The following RSRC1 variants were observed in gnomAD, a reference collection of about 807,000 sequenced individuals.
RSRC1 encodes serine/Arginine-related protein 53.
RSRC1 carries 39 observed loss-of-function variants against 49.1 expected under a neutral mutation model. The ratio of observed to expected loss-of-function variants is 0.79; its 90% CI spans 0.61 to 1.04. RSRC1 has a LOEUF of 1.04. Ranked by LOEUF, RSRC1 falls within the 50% of genes least tolerant of loss-of-function variation. The pLI is 0.00. For missense variants in RSRC1, 388 were observed against 402.4 expected, an observed-to-expected ratio of 0.96 and a Z score of 0.31; for synonymous variants, 143 against 130.8, an observed-to-expected ratio of 1.09 and a Z score of -0.63.
intron 5 of RSRC1, among the ~76,000 whole-genome samples, chr3:158,309,564 A>G (rs906865150): frequency 1.3e-5 from 2 of 151,966 alleles, no homozygotes; most frequent in African/African-American, 4.8e-5. Context: ...GAAATATTTA[A>G]TGTATTCTAT....
intron 7 of RSRC1, among the ~76,000 whole-genome samples, chr3:158,513,349 C>T (rs1740296283): frequency 1.3e-5 from 2 of 152,090 alleles, no homozygotes; most frequent in Admixed American, 1.3e-4. Context: ...TTGTCAAAGG[C>T]CTTTTCTGCA....
At chr3:158,444,566 C>A (rs1736578649) in intron 6 of RSRC1, among the ~76,000 whole-genome samples, 1 of 152,058 alleles carries the variant, frequency 6.6e-6, no homozygotes, top group Non-Finnish European at 1.5e-5. Flanking sequence ...TAGAAGAAAA[C>A]CTAGGCAATA....
chr3:158,243,348 CAGA>C (rs1339203189), intron 4 of RSRC1, among the ~76,000 whole-genome samples: 2 of 152,104 alleles, frequency 1.3e-5, no homozygotes, highest in African/African-American at 4.8e-5. Flanking sequence ...TGTCAGAGAT[CAGA>C]TGGTGGTAGG....
chr3:158,424,174 C>T (rs1735262415), intron 6 of RSRC1, among the ~76,000 whole-genome samples: 1 of 152,230 alleles, frequency 6.6e-6, no homozygotes, highest in East Asian at 1.9e-4. Flanking sequence ...AAAGGGAATG[C>T]TTCCAGTTTT....
rs551291465 is a variant in RSRC1, at chr3:158,131,447, G to A, written c.320+7456G>A. Among the ~76,000 whole-genome samples, 3 of 152,112 alleles carry A rather than the reference G, an allele frequency of 2.0e-5. 1 individual carries two copies. Among genetic ancestry groups the A allele is most frequent in the Admixed American group, 6.5e-5 (1 of 15,276 alleles). The stretch of plus-strand genomic sequence containing the variant: ...ATGTACTGAAGACCCCATGGTCAGC[G>A]TGATTTTTGTTTTATTGCCTAATGT... On this transcript the variant is annotated intron_variant, in intron 3 of 9. Coordinates refer to ENST00000611884, the MANE Select transcript of RSRC1 (RefSeq NM_001271838.2).
In RSRC1 at chr3:158,165,906, CTGAT is replaced by C. The variant is rs554515080; in HGVS notation, c.321-37159_321-37156del. Among the ~76,000 whole-genome samples, 7 of 152,244 alleles carry C rather than the reference CTGAT, an allele frequency of 4.6e-5. No individual in the cohort carries two copies. In the East Asian group the frequency reaches 1.4e-3, roughly 29 times the overall value. ...TTCAACACAATCATCTAATTTGCTC[CTGAT>C]TGATTGCTGGTGAAAGTTTCTACTC... On this transcript the variant is annotated intron_variant, in intron 3 of 9. Coordinates refer to ENST00000611884, the MANE Select transcript of RSRC1 (RefSeq NM_001271838.2).
At chr3:158,445,394 T>C (rs1340381938) in intron 6 of RSRC1, among the ~76,000 whole-genome samples, 2 of 151,992 alleles carry the variant, frequency 1.3e-5, no homozygotes, top group African/African-American at 4.8e-5. Flanking sequence ...CTCAGCAAAC[T>C]ATCGCAAGGA....
intron 3 of RSRC1, among the ~76,000 whole-genome samples, chr3:158,180,664 G>C (rs1008319849): frequency 6.6e-6 from 1 of 151,208 alleles, no homozygotes; most frequent in Non-Finnish European, 1.5e-5. Context: ...GTGGGGTTTC[G>C]CCATGTCGTC....
chr3:158,465,808 A>G (rs1312046710), intron 7 of RSRC1, among the ~76,000 whole-genome samples: 1 of 152,138 alleles, frequency 6.6e-6, no homozygotes, highest in Non-Finnish European at 1.5e-5. Flanking sequence ...TAATTTTAAA[A>G]TATTTCTATA....
chr3:158,174,337 A>G (rs1719067556), intron 3 of RSRC1, among the ~76,000 whole-genome samples: 2 of 151,950 alleles, frequency 1.3e-5, no homozygotes, highest in Admixed American at 1.3e-4. Context: ...AGCTAAATGA[A>G]GTTTATTTGT....
intron 7 of RSRC1, among the ~76,000 whole-genome samples, chr3:158,523,186 A>C (rs180787174): frequency 2.0e-5 from 3 of 152,206 alleles, no homozygotes; most frequent in Admixed American, 6.5e-5. Flanking sequence ...GTCTCTTATT[A>C]ATCATTTGTA....
rs192759783 is a variant in RSRC1 at position 158,263,729 on chromosome 3, A to G, written c.495-34310A>G. 2.6e-5 allele frequency among the ~76,000 whole-genome samples: 4 copies of G among 152,200 alleles called. No individual in the cohort carries two copies. The East Asian group carries it at 7.7e-4, about 29-fold the overall frequency. On this transcript the variant is annotated intron_variant, in intron 4 of 9. Coordinates refer to ENST00000611884, the MANE Select transcript of RSRC1 (RefSeq NM_001271838.2). ...TTAGTTGCTACTCAGTTTCTTATCA[A>G]ATTGCTTACAAAAGTTCTTCTTGAG...
At chr3:158,512,117 A>G (rs1221749233) in intron 7 of RSRC1, among the ~76,000 whole-genome samples, 4 of 148,558 alleles carry the variant, frequency 2.7e-5, no homozygotes, top group Non-Finnish European at 6.0e-5. Context: ...GAAGCTCTTT[A>G]ATTAGATCCC....
At chr3:158,509,031 G>C (rs181550567) in intron 7 of RSRC1, among the ~76,000 whole-genome samples, 5 of 152,178 alleles carry the variant, frequency 3.3e-5, no homozygotes, top group Non-Finnish European at 7.4e-5. Context: ...CTTATTTTTT[G>C]TTACATCAGC....
chr3:158,513,756 CT>C (rs1191831512), intron 7 of RSRC1, among the ~76,000 whole-genome samples: 1 of 152,084 alleles, frequency 6.6e-6, no homozygotes, highest in Non-Finnish European at 1.5e-5. Context: ...GTCCTGGACT[CT>C]TTGGTTGGTA....
chr3:158,263,965 T>C (rs1725034048), intron 4 of RSRC1, among the ~76,000 whole-genome samples: 1 of 152,198 alleles, frequency 6.6e-6, no homozygotes, highest in East Asian at 1.9e-4. Context: ...TCAGTTTTAT[T>C]GATGTGCTTA....
intron 6 of RSRC1, among the ~76,000 whole-genome samples, chr3:158,395,865 A>G (rs745386356): frequency 1.3e-5 from 2 of 152,088 alleles, no homozygotes; most frequent in Non-Finnish European, 2.9e-5. Context: ...AAATTGTACT[A>G]CCATAAGACA....
chr3:158,292,021 C>G (rs1726964191), intron 4 of RSRC1, among the ~76,000 whole-genome samples: 1 of 152,186 alleles, frequency 6.6e-6, no homozygotes, highest in Non-Finnish European at 1.5e-5. Flanking sequence ...CCTACCATGG[C>G]ATAATTGATA....
intron 5 of RSRC1, among the ~76,000 whole-genome samples, chr3:158,311,277 T>G (rs1728106454): frequency 6.6e-6 from 1 of 151,908 alleles, no homozygotes; most frequent in South Asian, 2.1e-4. Flanking sequence ...GCTTATATAG[T>G]CCCTTAGCAC....
Sources: gnomAD v4.1 joint callset for allele counts (sites outside exome capture counted in the v4.1 genomes callset) on GRCh38, gnomAD v4.1.1 for gene constraint, MANE v1.5 for transcripts, NCBI Gene and HGNC (gene_info 2026-07-23, HGNC 2026-07-21) for gene names.